The following RNF220 variants were observed in gnomAD, a reference collection of about 807,000 sequenced individuals.
RNF220 encodes ring finger protein 220, also known as E3 ubiquitin-protein ligase RNF220.
RNF220 carries 7 observed loss-of-function variants against 67.1 expected under a neutral mutation model. That is an observed-to-expected ratio of 0.10 (90% confidence interval 0.06 to 0.20). The LOEUF is 0.20. RNF220 is among the 10% of genes least tolerant of loss of function. The probability of loss-of-function intolerance (pLI) is 1.00; values close to 1 mark genes in which losing one functional copy is unlikely to be tolerated. For synonymous variants in RNF220, 270 were observed against 283.2 expected (o/e 0.95, Z 0.47); for missense variants, 565 against 740.3 (o/e 0.76, Z 2.75).
At chr1:44,471,875 C>T (rs57689520) in intron 2 of RNF220, among the ~76,000 whole-genome samples, 8,733 of 152,150 alleles carry the variant, frequency 0.057, 678 homozygotes, top group African/African-American at 0.17. Context: ...CTTCTCAATT[C>T]CCCCTCTTCT....
At chr1:44,599,928 G>A (rs559989225) in intron 2 of RNF220, among the ~76,000 whole-genome samples, 1 of 152,250 alleles carries the variant, frequency 6.6e-6, no homozygotes, top group South Asian at 2.1e-4. Flanking sequence ...TGTAACTGTA[G>A]GGATGGAATA....
rs570451899 is a variant in RNF220, at chr1:44,650,742, A to C, written c.1668A>C (p.Thr556=). 2.0e-5 allele frequency: 33 copies of C among 1,612,798 alleles called. No homozygotes were observed. The South Asian group carries it at 3.4e-4, about 17-fold the overall frequency. Residue 556 remains threonine (T), a synonymous_variant, in exon 15 of 15, where the codon ACA becomes ACC. Transcript: ENST00000361799. This position sits in a 1 kb window ranked among gnomAD's most constrained non-coding sequence, Gnocchi z 4.3. The part of the protein sequence containing the change: ...KKLCPQCNTI[T]APGDLRRIYL ...TCTGCCCTCAGTGCAACACGATCAC[A>C]GCGCCCGGAGACCTGCGGAGGATCT...
intron 2 of RNF220, among the ~76,000 whole-genome samples, chr1:44,569,197 T>C (rs1010127515): frequency 2.0e-5 from 3 of 152,160 alleles, no homozygotes; most frequent in Admixed American, 6.5e-5. Context: ...TTTGTCTGTT[T>C]TTAGACTAGC....
chr1:44,498,906 C>T (rs1157193647), intron 2 of RNF220, among the ~76,000 whole-genome samples: 1 of 152,164 alleles, frequency 6.6e-6, no homozygotes, highest in Non-Finnish European at 1.5e-5. Context: ...CCTTCTCTCC[C>T]CCAATAAACT....
intron 8 of RNF220, among the ~76,000 whole-genome samples, chr1:44,639,474 C>T (rs1193502650): frequency 6.6e-6 from 1 of 152,236 alleles, no homozygotes; most frequent in Non-Finnish European, 1.5e-5. Flanking sequence ...GGAGAAATTT[C>T]CCAGGAAGCT....
At chr1:44,569,040 C>T (rs1474426738) in intron 2 of RNF220, among the ~76,000 whole-genome samples, 2 of 152,142 alleles carry the variant, frequency 1.3e-5, no homozygotes, top group African/African-American at 2.4e-5. Flanking sequence ...AACTTCCTTC[C>T]AGCCCTTTAA....
chr1:44,632,400 G>GGCCCCCCCCCACCC lies in RNF220; in HGVS notation c.949+15_949+16insGCCCCCCCCCACCC. On this transcript the variant is annotated intron_variant, in intron 6 of 14. Coordinates refer to ENST00000361799, the MANE Select transcript of RNF220 (RefSeq NM_018150.4). Reference sequence around the variant, plus strand: ...CCGACTGAATGGTGAGTCCTGCCCGGCCCCTCCCTCCGCCCCACCCCCGGC... The same window carrying GGCCCCCCCCCACCC: ...CCGACTGAATGGTGAGTCCTGCCCGGGCCCCCCCCCACCCCCCCTCCCTCCGCCCCACCCCCGGC... 6.2e-7 allele frequency: 1 copy of GGCCCCCCCCCACCC among 1,607,452 alleles called. No homozygotes were observed. The highest frequency in any genetic ancestry group is 8.5e-7 in the Non-Finnish European group (1 of 1,177,492).
At chr1:44,458,341 T>G (rs1380681227) in intron 2 of RNF220, among the ~76,000 whole-genome samples, 1 of 151,664 alleles carries the variant, frequency 6.6e-6, no homozygotes, top group Non-Finnish European at 1.5e-5. Flanking sequence ...TTCCAGTTTT[T>G]TTTTTTTTTT....
chr1:44,525,129 T>C (rs1660265017), intron 2 of RNF220, among the ~76,000 whole-genome samples: 1 of 152,216 alleles, frequency 6.6e-6, no homozygotes, highest in African/African-American at 2.4e-5. Flanking sequence ...AAAAAAAATC[T>C]TTATTGAAAG....
chr1:44,473,102 G>T (rs1446091354), intron 2 of RNF220, among the ~76,000 whole-genome samples: 3 of 152,196 alleles, frequency 2.0e-5, no homozygotes, highest in African/African-American at 7.2e-5. Context: ...GGAGGAGGCA[G>T]GTGGGCAGAG....
intron 2 of RNF220, among the ~76,000 whole-genome samples, chr1:44,461,519 A>G (rs1653759521): frequency 6.6e-6 from 1 of 152,112 alleles, no homozygotes; most frequent in African/African-American, 2.4e-5. Context: ...TTTTATATTT[A>G]GTTTATTTGA....
chr1:44,560,121 G>A (rs933221015), intron 2 of RNF220, among the ~76,000 whole-genome samples: 3 of 152,228 alleles, frequency 2.0e-5, no homozygotes, highest in Non-Finnish European at 2.9e-5. Flanking sequence ...GTCACCTCCT[G>A]TGATGTGGGG....
intron 2 of RNF220, among the ~76,000 whole-genome samples, chr1:44,531,146 G>T (rs1192589917): frequency 6.6e-6 from 1 of 152,132 alleles, no homozygotes; most frequent in African/African-American, 2.4e-5. Flanking sequence ...TAAAACACAG[G>T]TGTGACTGGG....
intron 2 of RNF220, among the ~76,000 whole-genome samples, chr1:44,585,162 G>A (rs552139625): frequency 6.6e-6 from 1 of 152,162 alleles, no homozygotes; most frequent in East Asian, 1.9e-4. Context: ...GGCCCCGTGG[G>A]TTTCCTCTAG....
At chr1:44,497,979 A>G (rs977181976) in intron 2 of RNF220, among the ~76,000 whole-genome samples, 1 of 152,214 alleles carries the variant, frequency 6.6e-6, no homozygotes, top group Non-Finnish European at 1.5e-5. Flanking sequence ...ACGTTAAGCA[A>G]AAACCAGTGG....
At chr1:44,419,061 T>TG (rs1352427047) in intron 2 of RNF220, among the ~76,000 whole-genome samples, 10 of 152,216 alleles carry the variant, frequency 6.6e-5, no homozygotes, top group African/African-American at 2.4e-4. Flanking sequence ...TGTTTGGACT[T>TG]GCATATTTGC....
chr1:44,421,390 C>G (rs1466147957), intron 2 of RNF220, among the ~76,000 whole-genome samples: 1 of 152,112 alleles, frequency 6.6e-6, no homozygotes, highest in Admixed American at 6.5e-5. Context: ...TTCACAATCC[C>G]TGGGTTTCTC....
At chr1:44,491,609 GAAAGACTGGATGCTTCCTCCCTA>G (rs1475772524) in intron 2 of RNF220, among the ~76,000 whole-genome samples, 1 of 151,780 alleles carries the variant, frequency 6.6e-6, no homozygotes, top group Non-Finnish European at 1.5e-5. Flanking sequence ...GCTTAATGGT[GAAAGACTGGATGCTTCCTCCCTA>G]AGATCAGGAA....
At chr1:44,648,908 G>C (rs1196432711) in intron 12 of RNF220, 3 of 152,630 alleles carry the variant, frequency 2.0e-5, no homozygotes, top group Non-Finnish European at 4.4e-5. Context: ...ACGGGGGGCT[G>C]TGAGAGCCAC....
Sources: allele counts gnomAD v4.1 joint callset (sites outside exome capture counted in the v4.1 genomes callset), GRCh38; gene constraint gnomAD v4.1.1; non-coding constraint Gnocchi (gnomAD v3.1); transcripts MANE v1.5; gene names NCBI Gene and HGNC (gene_info 2026-07-23, HGNC 2026-07-21).